Variants in ZNF559 observed in about 807,000 individuals in gnomAD.
ZNF559 encodes the protein putative protein product of Nbla00121.
Under a neutral mutation model 14.2 loss-of-function variants are expected in ZNF559, and 17 were observed. The observed-to-expected ratio is 1.20, with a 90% confidence interval of 0.82 to 1.80. The LOEUF (loss-of-function observed/expected upper bound fraction) is 1.80. ZNF559 is among the 40% of genes most tolerant of loss of function. The probability of loss-of-function intolerance (pLI) is 0.00; values close to 1 mark genes in which losing one functional copy is unlikely to be tolerated. For synonymous variants in ZNF559, 244 were observed against 212.4 expected (o/e 1.15, Z -1.29); for missense variants, 740 against 629.7 (o/e 1.18, Z -1.88).
chr19:9,324,591 C>T, intron 1 of ZNF559, 104 bp from the exon 2 acceptor site: 3 of 1,125,860 alleles, frequency 2.7e-6, no homozygotes, highest in Non-Finnish European at 3.7e-6. Flanking sequence ...GCCAGGAGTT[C>T]AAGACCAGGC....
At chr19:9,331,191 C>A (rs2066918413) in intron 2 of ZNF559, among the ~76,000 whole-genome samples, 1 of 152,190 alleles carries the variant, frequency 6.6e-6, no homozygotes, top group South Asian at 2.1e-4. Flanking sequence ...GGAGAACCCT[C>A]TGAGAGGTCA....
At chr19:9,330,016 C>T (rs1274816680) in intron 2 of ZNF559, 3 of 152,136 alleles carry the variant, frequency 2.0e-5, no homozygotes, top group Non-Finnish European at 2.9e-5. Flanking sequence ...GGAATTTAAT[C>T]CATTTAAAGT....
At chr19:9,334,734 T>G (rs1432767652) in intron 2 of ZNF559, among the ~76,000 whole-genome samples, 2 of 152,156 alleles carry the variant, frequency 1.3e-5, no homozygotes, top group African/African-American at 2.4e-5. Context: ...TGAAAGAGAT[T>G]AGCAAAATGA....
chr19:9,345,351 C>T lies in ZNF559; in HGVS notation c.*2283C>T, dbSNP rs756708083. 8 of 152,128 alleles carry T rather than the reference C, an allele frequency of 5.3e-5. No individual in the cohort carries two copies. The highest frequency in any genetic ancestry group is 1.0e-4 in the Non-Finnish European group (7 of 68,030). 9.4% of individuals were successfully genotyped at this position (152,128 alleles called of 1,614,324 possible). A position where few individuals can be genotyped will look rare whatever the true frequency, so the allele number is the denominator to read the frequency against. On this transcript the variant is annotated 3_prime_UTR_variant, in exon 7 of 7. Transcript: ENST00000603380. ...AATGATCAGATCATATGTTAGTGTA[C>T]GTTTAAGTTTTTAAGAGACTGCTAA... is the stretch of plus-strand genomic sequence containing the variant.
intron 2 of ZNF559, chr19:9,329,977 T>C (rs2066851967): frequency 1.3e-5 from 2 of 152,234 alleles, no homozygotes; most frequent in Non-Finnish European, 2.9e-5. Flanking sequence ...GTTTTAACCA[T>C]ATTCAGCCAT....
At chr19:9,325,786 CA>C (rs35775585) in intron 2 of ZNF559, among the ~76,000 whole-genome samples, 70,511 of 138,834 alleles carry the variant, frequency 0.51, 17,273 homozygotes, top group Middle Eastern at 0.6. Flanking sequence ...ACTCCGTCTC[CA>C]AAAAAAAAAA....
At position 9,343,740 on chromosome 19, in the gene ZNF559, A is replaced by G; in HGVS notation, c.*672A>G. Reference sequence around the variant, plus strand: ...GGTCAAAAAGGCTGTATTAATTTACATGCAAAAAGTCACACTAGAGGAATG... The same window carrying G: ...GGTCAAAAAGGCTGTATTAATTTACGTGCAAAAAGTCACACTAGAGGAATG... On this transcript the variant is annotated 3_prime_UTR_variant, in exon 7 of 7. Transcript: ENST00000603380. 2.0e-6 allele frequency: 2 copies of G among 986,068 alleles called. No homozygotes were observed. Among genetic ancestry groups the G allele is most frequent in the Non-Finnish European group, 1.2e-6 (1 of 830,398 alleles). 61.1% of individuals were successfully genotyped at this position (986,068 alleles called of 1,614,324 possible).
rs1032752663 is a variant in ZNF559 at position 9,327,333 on chromosome 19, C to T, written c.-120+2553C>T. Among the ~76,000 whole-genome samples the T allele has an allele frequency of 8.4e-4, 128 of 152,010 alleles. 1 individual carries two copies. The highest frequency in any genetic ancestry group is 2.9e-4 in the Non-Finnish European group (20 of 68,006). ...CGTGATCTTGGCTCACTGCAACCTC[C>T]GCCTCCCCGGTTCAAGTGATTCTCC... On this transcript the variant is annotated intron_variant, in intron 2 of 6. Transcript: ENST00000603380.
At chr19:9,326,873 A>G (rs977921489) in intron 2 of ZNF559, among the ~76,000 whole-genome samples, 2 of 152,250 alleles carry the variant, frequency 1.3e-5, no homozygotes, top group South Asian at 2.1e-4. Context: ...TAACAAACCC[A>G]GGTTGTTCCA....
chr19:9,343,168 A>T lies in ZNF559; in HGVS notation c.*100A>T. On this transcript the variant is annotated 3_prime_UTR_variant, in exon 7 of 7. Transcript: ENST00000603380. ...AGTGGCAATGTACACAGTCATAAGG[A>T]ATGTGGGAAGCCTTCCTTGGTGTCT... 4 of 1,505,524 alleles carry T rather than the reference A, an allele frequency of 2.7e-6. No individual in the cohort carries two copies. Among genetic ancestry groups the T allele is most frequent in the Non-Finnish European group, 3.5e-6 (4 of 1,135,904 alleles). The allele number at this position is 1,505,524 out of a possible 1,614,324, so 93.3% of individuals were successfully genotyped here.
intron 3 of ZNF559, 173 bp downstream of exon 3, chr19:9,338,031 G>A (rs1347424245): frequency 6.5e-7 from 1 of 1,534,624 alleles, no homozygotes; most frequent in Non-Finnish European, 8.7e-7. Flanking sequence ...AGTCCGTATT[G>A]ATGGTCCTTC....
chr19:9,327,802 T>G (rs2066706797), intron 2 of ZNF559, among the ~76,000 whole-genome samples: 1 of 152,198 alleles, frequency 6.6e-6, no homozygotes, highest in African/African-American at 2.4e-5. Flanking sequence ...TCATTCGTAT[T>G]GATGCTCAAA....
At chr19:9,329,140 G>A (rs997233778) in intron 2 of ZNF559, among the ~76,000 whole-genome samples, 1 of 152,126 alleles carries the variant, frequency 6.6e-6, no homozygotes, top group Non-Finnish European at 1.5e-5. Context: ...ACCCAATACA[G>A]CTGTTTAAAA....
chr19:9,331,381 A>C (rs2066927897), intron 2 of ZNF559, among the ~76,000 whole-genome samples: 1 of 152,196 alleles, frequency 6.6e-6, no homozygotes, highest in Non-Finnish European at 1.5e-5. Context: ...CACTACGCCT[A>C]GCTTCCTTTG....
intron 3 of ZNF559, 99 bp downstream of exon 3, chr19:9,337,957 T>TA: frequency 6.5e-7 from 1 of 1,536,058 alleles, no homozygotes; most frequent in Non-Finnish European, 8.7e-7. Context: ...GGGAACAAGA[T>TA]ATTCAGGCAC....
At chr19:9,340,792 C>G (rs1568366816) in intron 5 of ZNF559, among the ~76,000 whole-genome samples, 1 of 146,332 alleles carries the variant, frequency 6.8e-6, no homozygotes, top group Non-Finnish European at 1.5e-5. Context: ...GGCCAGGACT[C>G]AATCTCCTGA....
At chr19:9,334,077 T>C (rs2067091908) in intron 2 of ZNF559, among the ~76,000 whole-genome samples, 1 of 152,218 alleles carries the variant, frequency 6.6e-6, no homozygotes, top group Non-Finnish European at 1.5e-5. Flanking sequence ...AGTTTGGCAT[T>C]GTGTTCCAAA....
upstream of ZNF559, chr19:9,323,895 C>T: frequency 3.8e-6 from 2 of 529,298 alleles, no homozygotes; most frequent in Non-Finnish European, 3.4e-6. Context: ...GTGGAGTATG[C>T]TTTCGTTTTC....
Position 9,344,760 on chromosome 19 carries a change from T to A in ZNF559, c.*1692T>A, listed in dbSNP as rs986791168. ...ATTGAACATCACTTTCATATGCTTA[T>A]GAGTCTTTGGTGAAGTGTACATTTA... On this transcript the variant is annotated 3_prime_UTR_variant, in exon 7 of 7. Coordinates refer to ENST00000603380, the MANE Select transcript of ZNF559 (RefSeq NM_032497.3). 1 of 152,260 alleles carries A rather than the reference T, an allele frequency of 6.6e-6. No homozygotes were observed. Among genetic ancestry groups the A allele is most frequent in the Non-Finnish European group, 1.5e-5 (1 of 68,054 alleles). The allele number at this position is 152,260 out of a possible 1,614,324, so 9.4% of individuals were successfully genotyped here. A position where few individuals can be genotyped will look rare whatever the true frequency, so the allele number is the denominator to read the frequency against.
Sources: gnomAD v4.1 joint callset for allele counts (sites outside exome capture counted in the v4.1 genomes callset) on GRCh38, gnomAD v4.1.1 for gene constraint, MANE v1.5 for transcripts, NCBI Gene and HGNC (gene_info 2026-07-23, HGNC 2026-07-21) for gene names.